ACTR5: variants seen among roughly 807,000 people sequenced by gnomAD.
ACTR5 encodes actin-related protein 5.
ACTR5 carries 43 observed loss-of-function variants against 61.2 expected under a neutral mutation model. The observed-to-expected ratio is 0.70, with a 90% confidence interval of 0.55 to 0.91. The LOEUF is 0.91. ACTR5 is among the 40% of genes least tolerant of loss of function. ACTR5 has a pLI of 0.00. For missense variants in ACTR5, 798 were observed against 782.2 expected, an observed-to-expected ratio of 1.02 and a Z score of -0.24; for synonymous variants, 333 against 310.5, an observed-to-expected ratio of 1.07 and a Z score of -0.76.
rs374715117 is a variant in ACTR5, at chr20:38,755,066, A to G, written c.885A>G (p.Gln295=). The change falls in exon 4 of 9, where the codon CAA becomes CAG. Residue 295 remains glutamine, a synonymous_variant. Coordinates refer to ENST00000243903, the MANE Select transcript of ACTR5 (RefSeq NM_024855.4). ...GCACTCTGACCTCTGAGGAGAAACAAGAAAGGCGGCAGCAGCAATTGCGGC... is the reference window on the plus strand; with the variant it reads ...GCACTCTGACCTCTGAGGAGAAACAGGAAAGGCGGCAGCAGCAATTGCGGC... ...LGSTLTSEEK[Q]ERRQQQLRRL... 9 of 1,614,144 alleles carry G rather than the reference A, an allele frequency of 5.6e-6. No homozygotes were observed. The highest frequency in any genetic ancestry group is 6.8e-6 in the Non-Finnish European group (8 of 1,180,054).
intron 2 of ACTR5, 91 bp downstream of exon 2, chr20:38,750,330 G>T: frequency 9.2e-7 from 1 of 1,088,298 alleles, no homozygotes; most frequent in Non-Finnish European, 1.3e-6. Flanking sequence ...AGTAGAAAGA[G>T]CAAGTACTAG....
In ACTR5 at chr20:38,748,703, G is replaced by GCT; in HGVS notation, c.225_226insCT (p.Ser76LeufsTer58). 1 of 1,527,434 alleles carries GCT rather than the reference G, an allele frequency of 6.5e-7. No homozygotes were observed. Among genetic ancestry groups the GCT allele is most frequent in the South Asian group, 1.2e-5 (1 of 82,510 alleles). The allele number at this position is 1,527,434 out of a possible 1,614,324, so 94.6% of individuals were successfully genotyped here. ...GCGGTCGTGGCGGGGCACGGGGCGC[G>GCT]TCGGGCCCGCAGGTGGGGAACGCTC... is the stretch of plus-strand genomic sequence containing the variant. On this transcript the variant is annotated frameshift_variant, in exon 1 of 9. Transcript: ENST00000243903. LOFTEE classifies it high-confidence loss of function.
chr20:38,765,317 C>G (rs2084479525), intron 5 of ACTR5, 85 bp from the exon 6 acceptor site: 2 of 941,564 alleles, frequency 2.1e-6, no homozygotes, highest in Non-Finnish European at 1.7e-6. Flanking sequence ...TGGGCAAGAT[C>G]CCAGTTCTTT....
intron 6 of ACTR5, among the ~76,000 whole-genome samples, chr20:38,765,919 C>G (rs888733022): frequency 6.6e-6 from 1 of 152,206 alleles, no homozygotes; most frequent in Non-Finnish European, 1.5e-5. Context: ...GCTTCCTTGC[C>G]GTGCAGGGAT....
intron 1 of ACTR5, 122 bp from the exon 2 acceptor site, chr20:38,749,888 C>G (rs1390210984): frequency 1.8e-5 from 13 of 712,944 alleles, no homozygotes; most frequent in Non-Finnish European, 3.0e-5. Context: ...CGCCTCTGAT[C>G]AGGTTTTTGA....
intron 4 of ACTR5, 51 bp downstream of exon 4, chr20:38,755,225 C>A: frequency 4.1e-6 from 6 of 1,480,424 alleles, no homozygotes; most frequent in Non-Finnish European, 5.4e-6. Context: ...AAGATAGTCT[C>A]AGAAGATTTT....
Position 38,755,266 on chromosome 20 carries a change from C to T in ACTR5, c.993+92C>T, listed in dbSNP as rs566908191. 3.7e-6 allele frequency: 5 copies of T among 1,361,800 alleles called. No homozygotes were observed. In the East Asian group the frequency reaches 1.3e-4, roughly 34 times the overall value. The allele number at this position is 1,361,800 out of a possible 1,614,324, so 84.4% of individuals were successfully genotyped here. A position where few individuals can be genotyped will look rare whatever the true frequency, so the allele number is the denominator to read the frequency against. On this transcript the variant is annotated intron_variant, in intron 4 of 8. Coordinates refer to ENST00000243903, the MANE Select transcript of ACTR5 (RefSeq NM_024855.4). Reference sequence around the variant, plus strand: ...ATATTTTTCCATTGGCCTTAAGATGCTTTGACTGTTTGTCACCTTTGGGGT... The same window carrying T: ...ATATTTTTCCATTGGCCTTAAGATGTTTTGACTGTTTGTCACCTTTGGGGT...
At chr20:38,770,146 CTAATG>C (rs1278463445) in intron 8 of ACTR5, among the ~76,000 whole-genome samples, 1 of 151,536 alleles carries the variant, frequency 6.6e-6, no homozygotes, top group East Asian at 1.9e-4. Flanking sequence ...TTTCACATTG[CTAATG>C]TAATGAGTGT....
chr20:38,759,232 G>A (rs193228452), intron 5 of ACTR5, among the ~76,000 whole-genome samples: 69 of 152,312 alleles, frequency 4.5e-4, no homozygotes, highest in African/African-American at 1.3e-3. Context: ...TTCTTATGCC[G>A]CTCAAGGCTG....
chr20:38,751,788 C>G (rs2084388490), intron 2 of ACTR5, among the ~76,000 whole-genome samples: 3 of 152,200 alleles, frequency 2.0e-5, no homozygotes. Flanking sequence ...CCCAGAGCAG[C>G]TGTGTCCTGG....
At chr20:38,754,855 C>A in intron 3 of ACTR5, 102 bp from the exon 4 acceptor site, 1 of 1,175,866 alleles carries the variant, frequency 8.5e-7, no homozygotes, top group Non-Finnish European at 1.2e-6. Flanking sequence ...CCCCAAAGTG[C>A]TGGGATTACA....
intron 5 of ACTR5, among the ~76,000 whole-genome samples, chr20:38,760,507 A>G (rs909774093): frequency 2.0e-5 from 3 of 152,206 alleles, no homozygotes; most frequent in Non-Finnish European, 4.4e-5. Flanking sequence ...TAGGATCCCA[A>G]GATCTCGCTG....
In ACTR5 at chr20:38,748,797, G is replaced by A. The variant is rs1208168766; in HGVS notation, c.319G>A (p.Glu107Lys). ...CGACCGCAACGTGCCGGTCAACCTGGAGCTTCAGGAGTTGCTGCTGGACTA... is the reference window on the plus strand; with the variant it reads ...CGACCGCAACGTGCCGGTCAACCTGAAGCTTCAGGAGTTGCTGCTGGACTA... ...PFDRNVPVNL[E>K]LQELLLDYSF... Residue 107 changes from glutamate to lysine, a missense_variant, in exon 1 of 9, where the codon GAG becomes AAG. Physicochemically the swap from Glu to Lys is moderately conservative, Grantham distance 56. Transcript: ENST00000243903. The A allele has an allele frequency of 6.2e-7, 1 of 1,609,446 alleles. No individual in the cohort carries two copies. Among genetic ancestry groups the A allele is most frequent in the African/African-American group, 1.3e-5 (1 of 74,564 alleles).
At chr20:38,766,504 T>G in intron 7 of ACTR5, 127 bp downstream of exon 7, 1 of 1,227,686 alleles carries the variant, frequency 8.1e-7, no homozygotes, top group Non-Finnish European at 1.1e-6. Context: ...ATTGACTTGC[T>G]GTGCTCAGAT....
chr20:38,767,822 G>A (rs533004644), intron 8 of ACTR5, among the ~76,000 whole-genome samples: 48 of 152,320 alleles, frequency 3.2e-4, no homozygotes, highest in African/African-American at 1.0e-3. Flanking sequence ...TTCTAAGAGT[G>A]TGAAAGAGTG....
At chr20:38,767,938 G>T (rs528089329) in intron 8 of ACTR5, among the ~76,000 whole-genome samples, 113 of 152,180 alleles carry the variant, frequency 7.4e-4, no homozygotes, top group Non-Finnish European at 9.4e-4. Context: ...CATGAGCAAG[G>T]GCACAGGGGC....
rs571775319 is a variant in ACTR5, at chr20:38,748,607, C to T, written c.129C>T (p.Arg43=). The T allele has an allele frequency of 3.2e-5, 49 of 1,523,406 alleles. No homozygotes were observed. In the African/African-American group the frequency reaches 6.6e-4, roughly 21 times the overall value. The allele number at this position is 1,523,406 out of a possible 1,614,324, so 94.4% of individuals were successfully genotyped here. The change falls in exon 1 of 9, where the codon CGC becomes CGT. Residue 43 remains arginine, a synonymous_variant. Coordinates refer to ENST00000243903, the MANE Select transcript of ACTR5 (RefSeq NM_024855.4). ...TGGACAACGGGTCGTTCCAAGTCCG[C>T]GCTGGCTGGGCGTGTCCCGGGCAGG... ...LVLDNGSFQV[R]AGWACPGQDP... is the part of the protein sequence containing the mutation.
chr20:38,767,372 T>C, intron 7 of ACTR5, 92 bp from the exon 8 acceptor site: 2 of 1,154,348 alleles, frequency 1.7e-6, no homozygotes, highest in Admixed American at 5.6e-5. Flanking sequence ...TAGAAGTTTT[T>C]CTGTTTTGTA....
Position 38,766,700 on chromosome 20 carries a change from A to G in ACTR5, c.1433+323A>G, listed in dbSNP as rs2295854. Reference sequence around the variant, plus strand: ...CATTATTAAAGACTAGTGATTTTAAATCACCCTAAAAATATTGCAGAGCTA... The same window carrying G: ...CATTATTAAAGACTAGTGATTTTAAGTCACCCTAAAAATATTGCAGAGCTA... On this transcript the variant is annotated intron_variant, in intron 7 of 8. Coordinates refer to ENST00000243903, the MANE Select transcript of ACTR5 (RefSeq NM_024855.4). Among the ~76,000 whole-genome samples, 6 of 152,320 alleles carry G rather than the reference A, an allele frequency of 3.9e-5. No individual in the cohort carries two copies. In the East Asian group the frequency reaches 1.2e-3, roughly 29 times the overall value.
Sources: gnomAD v4.1 joint callset for allele counts (sites outside exome capture counted in the v4.1 genomes callset) on GRCh38, gnomAD v4.1.1 for gene constraint, MANE v1.5 for transcripts, NCBI Gene and HGNC (gene_info 2026-07-23, HGNC 2026-07-21) for gene names.